DIAPH3: variants seen among roughly 807,000 people sequenced by gnomAD.
The protein encoded by DIAPH3 is diaphanous related formin 3.
Under a neutral mutation model 144.3 loss-of-function variants are expected in DIAPH3, and 117 were observed. The observed-to-expected ratio is 0.81, with a 90% confidence interval of 0.70 to 0.95. The LOEUF (loss-of-function observed/expected upper bound fraction) is 0.95. Ranked by LOEUF, DIAPH3 falls within the 40% of genes least tolerant of loss-of-function variation. The pLI, the probability that DIAPH3 is intolerant of heterozygous loss-of-function variation, is 0.00. For missense variants in DIAPH3, 1,421 were observed against 1,412.7 expected (o/e 1.01, Z -0.09); for synonymous variants, 519 against 488.9 (o/e 1.06, Z -0.81).
intron 2 of DIAPH3, among the ~76,000 whole-genome samples, chr13:60,127,908 T>C (rs2059029969): frequency 6.6e-6 from 1 of 152,186 alleles, no homozygotes; most frequent in South Asian, 2.1e-4. Context: ...ACCTCAACTT[T>C]TTTTTTAACT....
In DIAPH3 at chr13:59,949,347, C is replaced by T. The variant is rs192059312; in HGVS notation, c.2074+20597G>A. ...AATTTTGTTTAGCAACATTTAGTCACAAATATCTGGGAGAGGGGAATCAAG... is the reference window on the plus strand; with the variant it reads ...AATTTTGTTTAGCAACATTTAGTCATAAATATCTGGGAGAGGGGAATCAAG... On this transcript the variant is annotated intron_variant, in intron 17 of 27. Coordinates refer to ENST00000400324, the MANE Select transcript of DIAPH3 (RefSeq NM_001042517.2). 2.6e-5 allele frequency among the ~76,000 whole-genome samples: 4 copies of T among 152,238 alleles called. No individual in the cohort carries two copies. The East Asian group carries it at 7.7e-4, about 29-fold the overall frequency.
chr13:59,981,835 A>G (rs528806809), intron 13 of DIAPH3, among the ~76,000 whole-genome samples: 21 of 151,622 alleles, frequency 1.4e-4, no homozygotes, highest in African/African-American at 2.7e-4. Context: ...TAAAATGTAC[A>G]TAAGTATTAT....
intron 27 of DIAPH3, among the ~76,000 whole-genome samples, chr13:59,668,557 T>C (rs1293955694): frequency 6.6e-6 from 1 of 152,118 alleles, no homozygotes; most frequent in Non-Finnish European, 1.5e-5. Flanking sequence ...TCCAAGAAAG[T>C]AGGGACATTG....
At chr13:59,987,718 T>TC (rs2051511742) in intron 12 of DIAPH3, among the ~76,000 whole-genome samples, 1 of 151,094 alleles carries the variant, frequency 6.6e-6, no homozygotes, top group South Asian at 2.1e-4. Context: ...AAATATTAGT[T>TC]CACTTTGGAA....
chr13:59,878,064 T>C (rs1698426754), intron 21 of DIAPH3, among the ~76,000 whole-genome samples: 1 of 152,142 alleles, frequency 6.6e-6, no homozygotes, highest in Non-Finnish European at 1.5e-5. Context: ...GTGGAAAATA[T>C]GAGTCTCATG....
intron 4 of DIAPH3, among the ~76,000 whole-genome samples, chr13:60,070,070 A>C (rs1002587089): frequency 6.6e-6 from 1 of 152,140 alleles, no homozygotes; most frequent in Admixed American, 6.5e-5. Context: ...TGCTTTGGGC[A>C]GTATGGCCAT....
chr13:59,945,058 T>C (rs1024696218), intron 17 of DIAPH3, among the ~76,000 whole-genome samples: 13 of 152,096 alleles, frequency 8.5e-5, no homozygotes, highest in African/African-American at 3.1e-4. Flanking sequence ...GGATTGGCCC[T>C]CACCTTCCTC....
intron 1 of DIAPH3, among the ~76,000 whole-genome samples, chr13:60,154,318 C>T (rs929237122): frequency 6.6e-6 from 1 of 152,092 alleles, no homozygotes; most frequent in Non-Finnish European, 1.5e-5. Flanking sequence ...ATGACAACCC[C>T]ATGTTACACA....
intron 27 of DIAPH3, among the ~76,000 whole-genome samples, chr13:59,730,896 G>A (rs2035861874): frequency 3.3e-5 from 5 of 152,046 alleles, no homozygotes; most frequent in Admixed American, 3.3e-4. Context: ...TGGTATTATT[G>A]CTGTCAGCAT....
At chr13:60,068,304 A>G (rs948802140) in intron 4 of DIAPH3, among the ~76,000 whole-genome samples, 2 of 152,208 alleles carry the variant, frequency 1.3e-5, no homozygotes, top group African/African-American at 4.8e-5. Context: ...CAAAAATGCT[A>G]TATTACATCA....
At chr13:59,748,569 T>A (rs950893025) in intron 27 of DIAPH3, among the ~76,000 whole-genome samples, 2 of 152,226 alleles carry the variant, frequency 1.3e-5, no homozygotes, top group Non-Finnish European at 2.9e-5. Flanking sequence ...TAAATTAGAA[T>A]CCTCCTAACT....
rs191892313 is a variant in DIAPH3 at position 59,906,911 on chromosome 13, T to A, written c.2367+4824A>T. 3.0e-4 allele frequency among the ~76,000 whole-genome samples: 46 copies of A among 152,320 alleles called. 1 individual carries two copies. The East Asian group carries it at 5.2e-3, about 17-fold the overall frequency. ...AAGCATGCCACTGTGAACACAGTGA[T>A]TTTACCTAATAGCTTATTGATCAAA... On this transcript the variant is annotated intron_variant, in intron 20 of 27. Transcript: ENST00000400324.
intron 23 of DIAPH3, among the ~76,000 whole-genome samples, chr13:59,835,002 T>C (rs949663570): frequency 2.6e-5 from 4 of 151,770 alleles, no homozygotes; most frequent in Non-Finnish European, 4.4e-5. Flanking sequence ...CTACTCCTGG[T>C]ATGCCAGTAT....
intron 27 of DIAPH3, among the ~76,000 whole-genome samples, chr13:59,742,165 C>A (rs182623368): frequency 1.3e-5 from 2 of 152,158 alleles, no homozygotes; most frequent in Non-Finnish European, 2.9e-5. Context: ...AGAGAAACCA[C>A]CCCCATGATT....
chr13:59,753,588 T>C (rs2037121571), intron 27 of DIAPH3, among the ~76,000 whole-genome samples: 1 of 152,206 alleles, frequency 6.6e-6, no homozygotes, highest in Non-Finnish European at 1.5e-5. Flanking sequence ...TATATTTTAA[T>C]TTTTGATCAT....
intron 22 of DIAPH3, among the ~76,000 whole-genome samples, chr13:59,842,129 C>T: frequency 6.6e-6 from 1 of 151,924 alleles, no homozygotes; most frequent in Non-Finnish European, 1.5e-5. Context: ...ATCCATATTC[C>T]CTGCCTAAAC....
At chr13:59,841,144 C>A (rs1281390214) in intron 22 of DIAPH3, among the ~76,000 whole-genome samples, 2 of 152,066 alleles carry the variant, frequency 1.3e-5, no homozygotes, top group Non-Finnish European at 2.9e-5. Context: ...TCTCTATCTG[C>A]ATTACATAAG....
chr13:60,129,058 T>C (rs1566804309), intron 2 of DIAPH3, among the ~76,000 whole-genome samples: 1 of 152,102 alleles, frequency 6.6e-6, no homozygotes, highest in African/African-American at 2.4e-5. Context: ...ATCATAGAAG[T>C]ACTATACTGT....
intron 25 of DIAPH3, among the ~76,000 whole-genome samples, chr13:59,784,755 GCA>G (rs1423930120): frequency 3.3e-5 from 5 of 152,102 alleles, no homozygotes; most frequent in Admixed American, 3.3e-4. Flanking sequence ...GGGAAGGAAA[GCA>G]CAGTTTCCCC....
Sources: allele counts gnomAD v4.1 joint callset (sites outside exome capture counted in the v4.1 genomes callset), GRCh38; gene constraint gnomAD v4.1.1; transcripts MANE v1.5; gene names NCBI Gene and HGNC (gene_info 2026-07-23, HGNC 2026-07-21).